KIF6: variants seen among roughly 807,000 people sequenced by gnomAD.
KIF6 encodes the protein kinesin family member 6.
KIF6 carries 106 observed loss-of-function variants against 112.7 expected under a neutral mutation model. That is an observed-to-expected ratio of 0.94 (90% CI 0.80 to 1.11). KIF6 has a LOEUF of 1.11. Ranked by LOEUF, KIF6 falls within the 50% of genes least tolerant of loss-of-function variation. The probability of loss-of-function intolerance (pLI) is 0.00; values close to 1 mark genes in which losing one functional copy is unlikely to be tolerated. For synonymous variants in KIF6, 339 were observed against 339.9 expected (o/e 1.00, Z 0.03); for missense variants, 929 against 964.0 (o/e 0.96, Z 0.48).
At chr6:39,582,594 T>C (rs981035187) in intron 9 of KIF6, among the ~76,000 whole-genome samples, 1 of 152,098 alleles carries the variant, frequency 6.6e-6, no homozygotes, top group Non-Finnish European at 1.5e-5. Context: ...TTTGTATTTT[T>C]AGTAGAGATG....
At chr6:39,478,025 C>T (rs9369119) in intron 13 of KIF6, among the ~76,000 whole-genome samples, 46,449 of 151,874 alleles carry the variant, frequency 0.31, 8,890 homozygotes, top group African/African-American at 0.54. Flanking sequence ...GATTTTATTA[C>T]ATGATTTTAT....
At chr6:39,533,253 C>T (rs534978549) in intron 13 of KIF6, among the ~76,000 whole-genome samples, 36 of 152,290 alleles carry the variant, frequency 2.4e-4, no homozygotes, top group East Asian at 1.9e-3. Flanking sequence ...GTTCCCTTTC[C>T]GAGTCAAAGA....
At chr6:39,471,121 T>C (rs775294413) in intron 13 of KIF6, among the ~76,000 whole-genome samples, 1 of 152,202 alleles carries the variant, frequency 6.6e-6, no homozygotes, top group Non-Finnish European at 1.5e-5. Context: ...GACACCTCTC[T>C]GCTAGGTTTT....
chr6:39,383,613 A>G (rs1767160440), intron 16 of KIF6, among the ~76,000 whole-genome samples: 1 of 151,800 alleles, frequency 6.6e-6, no homozygotes, highest in Admixed American at 6.6e-5. Flanking sequence ...GCTTTGTTCT[A>G]TTTGCTTAGG....
At chr6:39,421,725 A>C (rs933726699) in intron 14 of KIF6, among the ~76,000 whole-genome samples, 1 of 152,144 alleles carries the variant, frequency 6.6e-6, no homozygotes, top group African/African-American at 2.4e-5. Flanking sequence ...TCCCTTATTA[A>C]GGCTGTTCAG....
At position 39,513,276 on chromosome 6, in the gene KIF6, T is replaced by C. The variant is rs547161703; in HGVS notation, c.1645+26727A>G. Among the ~76,000 whole-genome samples, 10 of 152,214 alleles carry C rather than the reference T, an allele frequency of 6.6e-5. No homozygotes were observed. The East Asian group carries it at 1.2e-3, about 18-fold the overall frequency. On this transcript the variant is annotated intron_variant, in intron 13 of 22. Coordinates refer to ENST00000287152, the MANE Select transcript of KIF6 (RefSeq NM_145027.6). ...GTGGCATCTGCATCAGCTTCCTCCT[T>C]TTCCTCCTCCCTAGTGGACCCCCAC...
intron 7 of KIF6, among the ~76,000 whole-genome samples, chr6:39,593,194 TTGAA>T (rs948924152): frequency 3.9e-5 from 6 of 152,298 alleles, no homozygotes; most frequent in Admixed American, 6.5e-5. Context: ...TCACAATTTG[TTGAA>T]TGAATGAATG....
At chr6:39,445,229 A>G (rs1026389069) in intron 13 of KIF6, among the ~76,000 whole-genome samples, 2 of 152,328 alleles carry the variant, frequency 1.3e-5, no homozygotes, top group East Asian at 1.9e-4. Context: ...TACAGAGAAG[A>G]TGAAGGGGCA....
At chr6:39,427,273 G>C (rs76380642) in intron 14 of KIF6, among the ~76,000 whole-genome samples, 1 of 152,148 alleles carries the variant, frequency 6.6e-6, no homozygotes, top group Non-Finnish European at 1.5e-5. Context: ...GAAGGGGCCC[G>C]GGTTACTGGA....
chr6:39,695,277 G>C (rs1220429416), intron 3 of KIF6, among the ~76,000 whole-genome samples: 1 of 152,060 alleles, frequency 6.6e-6, no homozygotes, highest in African/African-American at 2.4e-5. Flanking sequence ...TATAACTTAA[G>C]TTCTCAAGAG....
intron 7 of KIF6, among the ~76,000 whole-genome samples, chr6:39,591,272 G>C (rs1312080292): frequency 6.6e-6 from 1 of 152,020 alleles, no homozygotes. Context: ...CTCTAGAAAG[G>C]GCTCTCTAAA....
At position 39,346,085 on chromosome 6, in the gene KIF6, T is replaced by TCTCTCTCCC. The variant is rs1212794740; in HGVS notation, c.2232-297_2232-296insGGGAGAGAG. 1.9e-4 allele frequency among the ~76,000 whole-genome samples: 4 copies of TCTCTCTCCC among 21,596 alleles called. 1 individual carries two copies. The highest frequency in any genetic ancestry group is 1.6e-4 in the Non-Finnish European group (2 of 12,472). The allele number at this position is 21,596 out of a possible 152,430, so 14.2% of individuals were successfully genotyped here. A position where few individuals can be genotyped will look rare whatever the true frequency, so the allele number is the denominator to read the frequency against. ...CTCTCTCTCTCTCTCTCTCTCTCTC[T>TCTCTCTCCC]CCCCCCCCTCTCCCTCCCCCCCTCC... On this transcript the variant is annotated intron_variant, in intron 20 of 22. Coordinates refer to ENST00000287152, the MANE Select transcript of KIF6 (RefSeq NM_145027.6).
At chr6:39,583,426 C>A (rs1347269601) in intron 9 of KIF6, 2 of 471,600 alleles carry the variant, frequency 4.2e-6, no homozygotes, top group Admixed American at 4.7e-5. Context: ...ACAGATCCTG[C>A]CTCACTCATT....
chr6:39,393,785 A>G (rs530750779), intron 15 of KIF6, among the ~76,000 whole-genome samples: 1 of 152,258 alleles, frequency 6.6e-6, no homozygotes, highest in South Asian at 2.1e-4. Context: ...TTACTTTTTA[A>G]CTCTAGAAGA....
At chr6:39,409,253 G>T (rs1415393722) in intron 15 of KIF6, among the ~76,000 whole-genome samples, 1 of 152,078 alleles carries the variant, frequency 6.6e-6, no homozygotes, top group Admixed American at 6.6e-5. Flanking sequence ...TCCTATCTCT[G>T]TCCAAGCATT....
intron 13 of KIF6, among the ~76,000 whole-genome samples, chr6:39,463,847 A>G (rs1381998205): frequency 6.6e-6 from 1 of 152,072 alleles, no homozygotes; most frequent in Non-Finnish European, 1.5e-5. Context: ...ATTTTAACCA[A>G]ATAAGTTGGC....
chr6:39,698,381 G>A (rs1344196869), intron 3 of KIF6, among the ~76,000 whole-genome samples: 1 of 152,058 alleles, frequency 6.6e-6, no homozygotes, highest in African/African-American at 2.4e-5. Flanking sequence ...CCTGATTTTT[G>A]TCTCAGTAAG....
chr6:39,566,259 T>A (rs761241486), intron 10 of KIF6, among the ~76,000 whole-genome samples: 3 of 152,242 alleles, frequency 2.0e-5, no homozygotes, highest in Non-Finnish European at 4.4e-5. Flanking sequence ...TATCCACTTA[T>A]ATATATTACA....
At chr6:39,702,492 G>C (rs1436799823) in intron 3 of KIF6, among the ~76,000 whole-genome samples, 2 of 152,164 alleles carry the variant, frequency 1.3e-5, no homozygotes, top group Non-Finnish European at 2.9e-5. Flanking sequence ...TGTAAGTATG[G>C]CAATGACATA....
Sources: allele counts gnomAD v4.1 joint callset (sites outside exome capture counted in the v4.1 genomes callset), GRCh38; gene constraint gnomAD v4.1.1; transcripts MANE v1.5; gene names NCBI Gene and HGNC (gene_info 2026-07-23, HGNC 2026-07-21).